The following FAM53C variants were observed in gnomAD, a reference collection of about 807,000 sequenced individuals.
FAM53C encodes family with sequence similarity 53 member C, also known as protein FAM53C.
A neutral mutation model predicts 34.7 loss-of-function variants in FAM53C; 10 were observed. The ratio of observed to expected loss-of-function variants is 0.29; its 90% CI spans 0.18 to 0.49. The LOEUF (loss-of-function observed/expected upper bound fraction) is 0.49. Among genes scored for constraint, FAM53C ranks in the 20% least tolerant of loss-of-function variants. The pLI is 0.99. For synonymous variants in FAM53C, 203 were observed against 203.6 expected (o/e 1.00, Z 0.03); for missense variants, 442 against 515.3 (o/e 0.86, Z 1.38).
upstream of FAM53C, chr5:138,337,664 A>G (rs535482479): frequency 3.2e-5 from 10 of 313,452 alleles, no homozygotes; most frequent in East Asian, 1.0e-3. Flanking sequence ...CGCAACCATT[A>G]TAAGTCCTGG....
rs754457036 is a variant in FAM53C, at chr5:138,345,430, G to A, written c.742G>A (p.Ala248Thr). 2.0e-5 allele frequency: 32 copies of A among 1,613,784 alleles called. No homozygotes were observed. The Admixed American group carries it at 4.5e-4, about 23-fold the overall frequency. Residue 248 changes from alanine to threonine, a missense_variant, in exon 4 of 5, where the codon GCC becomes ACC. Physicochemically the swap from Ala to Thr is moderately conservative, Grantham distance 58. Transcript: ENST00000239906. The surrounding 1 kb of genome is among the most constrained non-coding windows in gnomAD (Gnocchi z 6.3). ...GCAGGCAAGCCGCTTCTTGCCCTCT[G>A]CCCGGAGCTCTCCCGCATCCTCCCC... ...GPQASRFLPS[A>T]RSSPASSPEL... is the part of the protein sequence containing the mutation.
rs1414665568 is a variant in FAM53C at position 138,338,279 on chromosome 5, C to T, written c.-181C>T. 1.1e-6 allele frequency: 1 copy of T among 903,686 alleles called. No homozygotes were observed. The highest frequency in any genetic ancestry group is 1.6e-6 in the Non-Finnish European group (1 of 637,654). The allele number at this position is 903,686 out of a possible 1,614,324, so 56.0% of individuals were successfully genotyped here. ...AACCGAGCGCTCAGAGCTGCTCCGG[C>T]CGCGGCCCTGGGAGCTGGAGGAACC... On this transcript the variant is annotated 5_prime_UTR_variant, in exon 1 of 5. Coordinates refer to ENST00000239906, the MANE Select transcript of FAM53C (RefSeq NM_016605.3).
intron 1 of FAM53C, among the ~76,000 whole-genome samples, chr5:138,339,927 GC>G (rs1418518876): frequency 6.6e-6 from 1 of 152,142 alleles, no homozygotes; most frequent in African/African-American, 2.4e-5. Context: ...AGAGTGATCT[GC>G]CCCCAAGGTC....
chr5:138,340,234 A>G (rs1315178039), intron 1 of FAM53C, among the ~76,000 whole-genome samples: 1 of 152,240 alleles, frequency 6.6e-6, no homozygotes, highest in Non-Finnish European at 1.5e-5. Flanking sequence ...GGAGTATTAA[A>G]TGATTTGTCA....
At chr5:138,337,737 C>G (rs1760810768), upstream of FAM53C, 1 of 345,274 alleles carries the variant, frequency 2.9e-6, no homozygotes. Context: ...CGAGCAGGCC[C>G]TAATCCGCGC....
At position 138,338,312 on chromosome 5, in the gene FAM53C, G is replaced by T; in HGVS notation, c.-153+5G>T. ...CTGGGAGCTGGAGGAACCGCGGTAG[G>T]TGGTGGAGGGCAGGTGGCGCTGGGG... On this transcript the variant is annotated splice_donor_5th_base_variant and intron_variant, in intron 1 of 4. Coordinates refer to ENST00000239906, the MANE Select transcript of FAM53C (RefSeq NM_016605.3). The T allele has an allele frequency of 3.8e-6, 2 of 529,174 alleles. No homozygotes were observed. Among genetic ancestry groups the T allele is most frequent in the Non-Finnish European group, 6.7e-6 (2 of 298,168 alleles). 32.8% of individuals were successfully genotyped at this position (529,174 alleles called of 1,614,324 possible). A position where few individuals can be genotyped will look rare whatever the true frequency, so the allele number is the denominator to read the frequency against.
intron 3 of FAM53C, among the ~76,000 whole-genome samples, chr5:138,343,976 T>C (rs1761101782): frequency 6.6e-6 from 1 of 152,184 alleles, no homozygotes; most frequent in Non-Finnish European, 1.5e-5. Context: ...ATCCAGCCCC[T>C]GCAGAATTCC....
rs774542593 is a variant in FAM53C, at chr5:138,345,484, C to T, written c.796C>T (p.Arg266Cys). ...PELPWRPRGL[R>C]NLPRSRSQPC... ...GCTGCCCTGGCGACCTCGAGGTCTC[C>T]GCAACCTTCCCCGAAGCCGCTCACA... The change falls in exon 4 of 5, where the codon CGC becomes TGC. Residue 266 changes from arginine to cysteine, a missense_variant. Transcript: ENST00000239906. The surrounding 1 kb of genome is among the most constrained non-coding windows in gnomAD (Gnocchi z 6.3). The T allele has an allele frequency of 8.7e-6, 14 of 1,613,972 alleles. No homozygotes were observed. The highest frequency in any genetic ancestry group is 3.3e-5 in the Admixed American group (2 of 60,012).
upstream of FAM53C, chr5:138,338,147 G>C (rs1760848534): frequency 7.8e-7 from 1 of 1,289,794 alleles, no homozygotes; most frequent in Non-Finnish European, 1.0e-6. Context: ...ACGGAGCTGC[G>C]CCCTCCATGG....
chr5:138,340,677 T>C (rs1434135022), intron 1 of FAM53C, among the ~76,000 whole-genome samples: 2 of 152,234 alleles, frequency 1.3e-5, no homozygotes, highest in Non-Finnish European at 2.9e-5. Context: ...AACAATAATA[T>C]ATCAGATGTT....
At chr5:138,342,000 T>G (rs1761046729) in intron 3 of FAM53C, 134 bp downstream of exon 3, 1 of 762,418 alleles carries the variant, frequency 1.3e-6, no homozygotes, top group Non-Finnish European at 2.3e-6. Flanking sequence ...CTTCTGAGAT[T>G]GACAGTTGTC....
chr5:138,341,659 T>C (rs947237135), intron 2 of FAM53C, 150 bp from the exon 3 acceptor site: 1 of 783,850 alleles, frequency 1.3e-6, no homozygotes, highest in Middle Eastern at 2.3e-4. Context: ...TTGTTTGACT[T>C]ACTAACTTTG....
At chr5:138,343,030 A>T (rs1761074777) in intron 3 of FAM53C, 1 of 151,968 alleles carries the variant, frequency 6.6e-6, no homozygotes. Flanking sequence ...TCTCAAAAAA[A>T]AAAAAAACAA....
At chr5:138,346,485 C>T (rs1761178877) in intron 4 of FAM53C, among the ~76,000 whole-genome samples, 3 of 152,130 alleles carry the variant, frequency 2.0e-5, no homozygotes, top group Non-Finnish European at 2.9e-5. Context: ...ATTAGCCGGG[C>T]GTGGGCCGGG....
chr5:138,341,304 CAA>C lies in FAM53C; in HGVS notation c.-30_-29del. ...CAGGGAAGACATCCATCATTTGCTC[CAA>C]AGTGTGCAAGTCAAATCCTGGGGAG... is the stretch of plus-strand genomic sequence containing the variant. On this transcript the variant is annotated 5_prime_UTR_variant, in exon 2 of 5. Coordinates refer to ENST00000239906, the MANE Select transcript of FAM53C (RefSeq NM_016605.3). 1 of 1,590,036 alleles carries C rather than the reference CAA, an allele frequency of 6.3e-7. No individual in the cohort carries two copies. Among genetic ancestry groups the C allele is most frequent in the Non-Finnish European group, 8.6e-7 (1 of 1,158,132 alleles).
chr5:138,337,663 T>G (rs929053698), upstream of FAM53C: 35 of 312,732 alleles, frequency 1.1e-4, no homozygotes, highest in South Asian at 8.8e-4. Context: ...CCGCAACCAT[T>G]ATAAGTCCTG....
rs1467356397 is a variant in FAM53C, at chr5:138,345,262, CCTTT to C, written c.578_581del (p.Phe193SerfsTer112). The C allele has an allele frequency of 6.2e-7, 1 of 1,614,120 alleles. No individual in the cohort carries two copies. The highest frequency in any genetic ancestry group is 8.5e-7 in the Non-Finnish European group (1 of 1,180,048). On this transcript the variant is annotated frameshift_variant, in exon 4 of 5. Transcript: ENST00000239906. LOFTEE classifies it high-confidence loss of function. The surrounding 1 kb of genome is among the most constrained non-coding windows in gnomAD (Gnocchi z 6.3). ...CCCAGCTCACAGACCCTACAGCCCT[CCTTT>C]CTTCAGCCTGGCCCTGGCCCAAGAT...
Position 138,345,639 on chromosome 5 carries a change from A to G in FAM53C, c.921+30A>G. On this transcript the variant is annotated intron_variant, in intron 4 of 4. Transcript: ENST00000239906. This position sits in a 1 kb window ranked among gnomAD's most constrained non-coding sequence, Gnocchi z 6.3. The stretch of plus-strand genomic sequence containing the variant: ...GACCAGCAAGACTAGGGGAGCTTAG[A>G]TGGGAGTGTGGGGACTGTTCTGTTT... 3.8e-6 allele frequency: 6 copies of G among 1,590,370 alleles called. No individual in the cohort carries two copies. The highest frequency in any genetic ancestry group is 5.1e-6 in the Non-Finnish European group (6 of 1,166,778).
Position 138,341,794 on chromosome 5 carries a change from TTC to T in FAM53C, c.79-9_79-8del, listed in dbSNP as rs770123404. On this transcript the variant is annotated splice_polypyrimidine_tract_variant and intron_variant, in intron 2 of 4. Transcript: ENST00000239906. Reference sequence around the variant, plus strand: ...TCCTGAATCCAAATCATGATGGATATTCTCTCTTTCTTAGCCTTTGCCTGATC... The same window carrying T: ...TCCTGAATCCAAATCATGATGGATATTCTCTTTCTTAGCCTTTGCCTGATC... The T allele has an allele frequency of 2.5e-6, 4 of 1,613,392 alleles. No homozygotes were observed. The highest frequency in any genetic ancestry group is 2.7e-5 in the African/African-American group (2 of 74,906).
Sources: allele counts gnomAD v4.1 joint callset (sites outside exome capture counted in the v4.1 genomes callset), GRCh38; gene constraint gnomAD v4.1.1; non-coding constraint Gnocchi (gnomAD v3.1); transcripts MANE v1.5; gene names NCBI Gene and HGNC (gene_info 2026-07-23, HGNC 2026-07-21).